Variants in LRP5 observed in about 807,000 individuals in gnomAD.
LRP5 encodes LDL receptor related protein 5, also known as low-density lipoprotein receptor-related protein 5.
LRP5 carries 62 observed loss-of-function variants against 154.1 expected under a neutral mutation model. The ratio of observed to expected loss-of-function variants is 0.40; its 90% CI spans 0.33 to 0.50. The LOEUF (loss-of-function observed/expected upper bound fraction) is 0.50, where lower values mean the gene tolerates loss of function less well. Ranked by LOEUF, LRP5 falls within the 20% of genes least tolerant of loss-of-function variation. LRP5 has a pLI of 0.55. For synonymous variants in LRP5, 966 were observed against 1,011.5 expected (o/e 0.96, Z 0.85); for missense variants, 1,915 against 2,336.7 (o/e 0.82, Z 3.72).
At chr11:68,335,398 C>G (rs1336645660) in intron 1 of LRP5, among the ~76,000 whole-genome samples, 1 of 147,408 alleles carries the variant, frequency 6.8e-6, no homozygotes, top group Non-Finnish European at 1.5e-5. Context: ...ATGTGTGTTT[C>G]TAAGACACCT....
intron 1 of LRP5, among the ~76,000 whole-genome samples, chr11:68,330,335 A>G (rs1349185030): frequency 6.6e-6 from 1 of 152,226 alleles, no homozygotes; most frequent in African/African-American, 2.4e-5. Flanking sequence ...TTTCAGGGAA[A>G]ACTGCTTTCT....
At chr11:68,360,544 G>A (rs1199001460) in intron 3 of LRP5, among the ~76,000 whole-genome samples, 1 of 152,220 alleles carries the variant, frequency 6.6e-6, no homozygotes, top group Non-Finnish European at 1.5e-5. Flanking sequence ...TGTGTTGGGT[G>A]ACGAGCTCTG....
At position 68,406,830 on chromosome 11, in the gene LRP5, C is replaced by G. The variant is rs373568580; in HGVS notation, c.2091+17C>G. ...AGCCTGAAGGTAGCGTGGGCCAGAA[C>G]GTGCACACAGGCAGCCTTTATGGGA... On this transcript the variant is annotated intron_variant, in intron 9 of 22. Coordinates refer to ENST00000294304, the MANE Select transcript of LRP5 (RefSeq NM_002335.4). 1 of 1,612,782 alleles carries G rather than the reference C, an allele frequency of 6.2e-7. No homozygotes were observed. Among genetic ancestry groups the G allele is most frequent in the African/African-American group, 1.3e-5 (1 of 74,916 alleles).
chr11:68,342,305 G>A (rs993657986), intron 1 of LRP5, among the ~76,000 whole-genome samples: 13 of 152,220 alleles, frequency 8.5e-5, no homozygotes, highest in African/African-American at 3.1e-4. Context: ...CCCACCAAAG[G>A]CTGGGTTTTC....
chr11:68,324,701 C>T (rs1194805709), intron 1 of LRP5, among the ~76,000 whole-genome samples: 7 of 152,280 alleles, frequency 4.6e-5, no homozygotes, highest in African/African-American at 1.7e-4. Context: ...CATCGTCCAG[C>T]TGTGCCCACT....
intron 2 of LRP5, among the ~76,000 whole-genome samples, chr11:68,350,288 C>T (rs373798942): frequency 1.3e-5 from 2 of 152,250 alleles, no homozygotes; most frequent in South Asian, 2.1e-4. Context: ...CCACCCTCCT[C>T]GGCCTCCCAA....
At chr11:68,439,396 G>A (rs2098676864) in intron 20 of LRP5, among the ~76,000 whole-genome samples, 1 of 152,196 alleles carries the variant, frequency 6.6e-6, no homozygotes, top group Admixed American at 6.5e-5. Context: ...TTCTCTCTGG[G>A]GAGCGGGGTT....
intron 5 of LRP5, among the ~76,000 whole-genome samples, chr11:68,375,783 G>A (rs2098637009): frequency 6.6e-6 from 1 of 152,204 alleles, no homozygotes; most frequent in African/African-American, 2.4e-5. Context: ...GCCACCTCTG[G>A]GGATCTGATT....
upstream of LRP5, among the ~76,000 whole-genome samples, chr11:68,311,320 A>C (rs528508914): frequency 6.6e-6 from 1 of 152,150 alleles, no homozygotes; most frequent in African/African-American, 2.4e-5. Context: ...GCTCCAGCTC[A>C]TGGCCTGATG....
At chr11:68,362,001 C>G (rs1432477828) in intron 3 of LRP5, among the ~76,000 whole-genome samples, 2 of 152,212 alleles carry the variant, frequency 1.3e-5, no homozygotes, top group African/African-American at 4.8e-5. Flanking sequence ...CTGTGCACAA[C>G]AGCCGAGGGT....
chr11:68,302,376 A>C, the LRP5 span, among the ~76,000 whole-genome samples: 1 of 149,332 alleles, frequency 6.7e-6, no homozygotes, highest in African/African-American at 2.5e-5. Flanking sequence ...AAGACTTGTA[A>C]GTGACAAGCC....
intron 1 of LRP5, among the ~76,000 whole-genome samples, chr11:68,315,948 G>C (rs2098593099): frequency 6.6e-6 from 1 of 150,434 alleles, no homozygotes; most frequent in African/African-American, 2.4e-5. Context: ...TTTTTAAATT[G>C]AGGTGAAACT....
At chr11:68,314,459 C>T (rs1272997956) in intron 1 of LRP5, among the ~76,000 whole-genome samples, 1 of 152,222 alleles carries the variant, frequency 6.6e-6, no homozygotes, top group East Asian at 1.9e-4. Flanking sequence ...AGGAATCTTT[C>T]TGCAGAACGG....
At chr11:68,329,025 CAT>C (rs902994932) in intron 1 of LRP5, among the ~76,000 whole-genome samples, 6 of 152,166 alleles carry the variant, frequency 3.9e-5, no homozygotes, top group African/African-American at 4.8e-5. Context: ...TGCACACACA[CAT>C]GTGCACAGTG....
chr11:68,445,705 G>A (rs1338414811), intron 21 of LRP5: 12 of 1,301,954 alleles, frequency 9.2e-6, no homozygotes, highest in Non-Finnish European at 1.2e-5. Context: ...CTGTGTGGGT[G>A]TGTGGGCCCA....
At chr11:68,389,503 C>T (rs1303021828) in intron 6 of LRP5, among the ~76,000 whole-genome samples, 1 of 152,234 alleles carries the variant, frequency 6.6e-6, no homozygotes, top group East Asian at 1.9e-4. Context: ...CCAGCATCTA[C>T]CAACACCGAC....
Position 68,403,695 on chromosome 11 carries a change from C to A in LRP5, c.1797C>A (p.Val599=), listed in dbSNP as rs554437931. 1 of 1,613,468 alleles carries A rather than the reference C, an allele frequency of 6.2e-7. No individual in the cohort carries two copies. Among genetic ancestry groups the A allele is most frequent in the Non-Finnish European group, 8.5e-7 (1 of 1,180,028 alleles). Residue 599 remains valine, a synonymous_variant, in exon 8 of 23, where the codon GTC becomes GTA. Coordinates refer to ENST00000294304, the MANE Select transcript of LRP5 (RefSeq NM_002335.4). ...TCAAAGCTGTGAATGTGGCCAAGGTCGTCGGTGAGTCCGGGGGGTCCCAAG... is the reference window on the plus strand; with the variant it reads ...TCAAAGCTGTGAATGTGGCCAAGGTAGTCGGTGAGTCCGGGGGGTCCCAAG... ...MGLKAVNVAK[V]VGTNPCADRN...
At chr11:68,398,700 C>CA (rs547295292) in intron 7 of LRP5, among the ~76,000 whole-genome samples, 38 of 140,438 alleles carry the variant, frequency 2.7e-4, no homozygotes, top group Middle Eastern at 3.6e-3. Context: ...ATATGGAATT[C>CA]AAAAAAAAAA....
intron 1 of LRP5, among the ~76,000 whole-genome samples, chr11:68,343,804 G>T (rs1040794364): frequency 2.0e-5 from 3 of 152,158 alleles, no homozygotes; most frequent in East Asian, 1.9e-4. Context: ...CGTGATTCCT[G>T]TGTGCCTGCA....
Sources: allele counts gnomAD v4.1 joint callset (sites outside exome capture counted in the v4.1 genomes callset), GRCh38; gene constraint gnomAD v4.1.1; transcripts MANE v1.5; gene names NCBI Gene and HGNC (gene_info 2026-07-23, HGNC 2026-07-21).